ADAM12: variants seen among roughly 807,000 people sequenced by gnomAD.
ADAM12 encodes the protein disintegrin and metalloproteinase domain-containing protein 12.
A neutral mutation model predicts 106.4 loss-of-function variants in ADAM12; 70 were observed. That is an observed-to-expected ratio of 0.66 (90% CI 0.54 to 0.80). ADAM12 has a LOEUF of 0.80. Among genes scored for constraint, ADAM12 ranks in the 30% least tolerant of loss-of-function variants. The probability of loss-of-function intolerance (pLI) is 0.00; values close to 1 mark genes in which losing one functional copy is unlikely to be tolerated. For missense variants in ADAM12, 1,010 were observed against 1,171.9 expected (o/e 0.86, Z 2.02); for synonymous variants, 420 against 433.5 (o/e 0.97, Z 0.39).
At chr10:126,354,953 T>G (rs1006681775) in intron 1 of ADAM12, among the ~76,000 whole-genome samples, 3 of 152,200 alleles carry the variant, frequency 2.0e-5, no homozygotes. Flanking sequence ...TTGGAATTCA[T>G]AGTTCACAGA....
chr10:126,354,424 T>C (rs1440119689), intron 1 of ADAM12, among the ~76,000 whole-genome samples: 1 of 149,238 alleles, frequency 6.7e-6, no homozygotes, highest in Admixed American at 6.8e-5. Context: ...CAGAAGTTAC[T>C]GCACATGGTA....
intron 3 of ADAM12, among the ~76,000 whole-genome samples, chr10:126,178,944 G>A (rs757635556): frequency 6.6e-6 from 1 of 152,112 alleles, no homozygotes; most frequent in Non-Finnish European, 1.5e-5. Flanking sequence ...CTACTCGAGA[G>A]GCTGAGGCAG....
chr10:126,070,717 A>G (rs762744841), intron 12 of ADAM12: 1 of 152,108 alleles, frequency 6.6e-6, no homozygotes. Context: ...CCTGCTGTAC[A>G]ACTGCTTGCT....
At chr10:126,241,999 C>T (rs1958535167) in intron 3 of ADAM12, among the ~76,000 whole-genome samples, 1 of 151,204 alleles carries the variant, frequency 6.6e-6, no homozygotes. Context: ...TAATCATCTC[C>T]TGACATACAT....
rs1477426197 is a variant in ADAM12, at chr10:126,118,027, A to G, written c.603+11T>C. 1 of 1,612,774 alleles carries G rather than the reference A, an allele frequency of 6.2e-7. No homozygotes were observed. Among genetic ancestry groups the G allele is most frequent in the Admixed American group, 1.7e-5 (1 of 59,960 alleles). ...GCTTTCCAGAAACACAAAATCAGGT[A>G]TCCCCCTTACCCTTCTTGCCCATGT... On this transcript the variant is annotated intron_variant, in intron 6 of 22. Transcript: ENST00000448723.
intron 3 of ADAM12, among the ~76,000 whole-genome samples, chr10:126,235,650 T>C (rs1958400394): frequency 6.6e-6 from 1 of 152,214 alleles, no homozygotes; most frequent in Non-Finnish European, 1.5e-5. Context: ...CCAGGATGCG[T>C]GTCTCCTTCT....
chr10:126,243,489 A>ATGTGTGTGTGTGTG (rs57227903), intron 3 of ADAM12, among the ~76,000 whole-genome samples: 3,792 of 146,888 alleles, frequency 0.026, 138 homozygotes, highest in Admixed American at 0.063. Flanking sequence ...GTGTGAGTGT[A>ATGTGTGTGTGTGTG]TGTGTGTGTG....
At chr10:126,115,283 G>A (rs1955959470) in intron 6 of ADAM12, among the ~76,000 whole-genome samples, 1 of 152,216 alleles carries the variant, frequency 6.6e-6, no homozygotes, top group Non-Finnish European at 1.5e-5. Flanking sequence ...ATTTTCTCCA[G>A]TAGATTTACC....
At chr10:126,300,772 C>T (rs923698220) in intron 2 of ADAM12, among the ~76,000 whole-genome samples, 4 of 152,066 alleles carry the variant, frequency 2.6e-5, no homozygotes, top group South Asian at 2.1e-4. Flanking sequence ...AAAACCCTGA[C>T]GTAAAAGGCT....
At chr10:126,128,774 TGA>T (rs1956251527) in intron 5 of ADAM12, among the ~76,000 whole-genome samples, 4 of 32,240 alleles carry the variant, frequency 1.2e-4, no homozygotes, top group Non-Finnish European at 1.8e-4. Flanking sequence ...CCTGCCCATG[TGA>T]GTGTGTGGTG....
chr10:126,368,662 T>TTG (rs56001042), intron 1 of ADAM12, among the ~76,000 whole-genome samples: 23,663 of 148,708 alleles, frequency 0.16, 2,183 homozygotes, highest in Middle Eastern at 0.28. Context: ...TGTTGTTGTT[T>TTG]TTTTTTGCCT....
At chr10:126,195,646 T>G (rs1000563044) in intron 3 of ADAM12, among the ~76,000 whole-genome samples, 1 of 152,192 alleles carries the variant, frequency 6.6e-6, no homozygotes, top group Non-Finnish European at 1.5e-5. Context: ...TTCAACAATA[T>G]ATACATATTT....
At chr10:126,321,904 T>TGGGGGGGGGG (rs371286030) in intron 2 of ADAM12, among the ~76,000 whole-genome samples, 1 of 88,702 alleles carries the variant, frequency 1.1e-5, no homozygotes. Flanking sequence ...TACCTGGGGG[T>TGGGGGGGGGG]CGGGGGGGGG....
In ADAM12 at chr10:126,089,346, G is replaced by A. The variant is rs547300629; in HGVS notation, c.1145+4639C>T. Among the ~76,000 whole-genome samples, 9 of 152,262 alleles carry A rather than the reference G, an allele frequency of 5.9e-5. No individual in the cohort carries two copies. The East Asian group carries it at 9.7e-4, about 16-fold the overall frequency. On this transcript the variant is annotated intron_variant, in intron 11 of 22. Transcript: ENST00000448723. ...TGGAGAGGTGAGTGTGGAGCGTGGCGTGATGAGCACCGAGTGTGCTGGTGA... is the reference window on the plus strand; with the variant it reads ...TGGAGAGGTGAGTGTGGAGCGTGGCATGATGAGCACCGAGTGTGCTGGTGA...
intron 14 of ADAM12, among the ~76,000 whole-genome samples, chr10:126,059,707 G>A (rs1423581765): frequency 6.6e-6 from 1 of 152,198 alleles, no homozygotes; most frequent in Non-Finnish European, 1.5e-5. Flanking sequence ...ATTCTGGTGA[G>A]TGATAAAATA....
At chr10:126,339,736 C>A (rs1854850639) in intron 1 of ADAM12, among the ~76,000 whole-genome samples, 2 of 151,306 alleles carry the variant, frequency 1.3e-5, no homozygotes, top group African/African-American at 4.9e-5. Context: ...AGATGGGATG[C>A]AGAGAGGGAG....
In ADAM12 at chr10:126,284,161, C is replaced by T. The variant is rs577069711; in HGVS notation, c.187-5173G>A. ...CAGCCTGGCCAATATGGTGAAACCC[C>T]GTCTCTACTAAAAATACAAAAATTA... On this transcript the variant is annotated intron_variant, in intron 2 of 22. Transcript: ENST00000448723. Among the ~76,000 whole-genome samples the T allele has an allele frequency of 9.9e-5, 15 of 151,794 alleles. No individual in the cohort carries two copies. In the East Asian group the frequency reaches 1.9e-3, roughly 20 times the overall value.
At chr10:126,358,427 A>G (rs578261518) in intron 1 of ADAM12, among the ~76,000 whole-genome samples, 63 of 152,358 alleles carry the variant, frequency 4.1e-4, no homozygotes, top group African/African-American at 1.5e-3. Context: ...AAGAGAAAGC[A>G]TTTGACAGAA....
At chr10:126,108,174 G>A (rs781304892) in intron 8 of ADAM12, among the ~76,000 whole-genome samples, 1 of 152,180 alleles carries the variant, frequency 6.6e-6, no homozygotes, top group Non-Finnish European at 1.5e-5. Flanking sequence ...CACCCTCAGG[G>A]TTACATTGGT....
Sources: allele counts gnomAD v4.1 joint callset (sites outside exome capture counted in the v4.1 genomes callset), GRCh38; gene constraint gnomAD v4.1.1; transcripts MANE v1.5; gene names NCBI Gene and HGNC (gene_info 2026-07-23, HGNC 2026-07-21).